Variants in C10orf105 observed in about 807,000 individuals in gnomAD.
C10orf105 encodes chromosome 10 open reading frame 105, also known as uncharacterized protein C10orf105.
Under a neutral mutation model 0.6 loss-of-function variants are expected in C10orf105, and 2 were observed. The ratio of observed to expected loss-of-function variants is 3.18; its 90% CI spans 1.30 to 10.01. The LOEUF (loss-of-function observed/expected upper bound fraction) is 10.01. C10orf105 is among the 30% of genes most tolerant of loss of function. C10orf105 has a pLI of 0.04. For missense variants in C10orf105, 209 were observed against 191.4 expected, an observed-to-expected ratio of 1.09 and a Z score of -0.54; for synonymous variants, 95 against 82.4, an observed-to-expected ratio of 1.15 and a Z score of -0.83.
In C10orf105 at chr10:71,714,908, T is replaced by C. The variant is rs1047100202; in HGVS notation, c.*1028A>G. 1.3e-5 allele frequency: 2 copies of C among 152,164 alleles called. No homozygotes were observed. The highest frequency in any genetic ancestry group is 4.8e-5 in the African/African-American group (2 of 41,434). The allele number at this position is 152,164 out of a possible 1,614,324, so 9.4% of individuals were successfully genotyped here. A position where few individuals can be genotyped will look rare whatever the true frequency, so the allele number is the denominator to read the frequency against. ...GGGACCTGACCAAAGTGTTTAACCC[T>C]CGCGTTGTGAGGAGAGGTCAAGGGT... On this transcript the variant is annotated 3_prime_UTR_variant, in exon 2 of 2. Coordinates refer to ENST00000441508, the MANE Select transcript of C10orf105 (RefSeq NM_001164375.3).
upstream of C10orf105, among the ~76,000 whole-genome samples, chr10:71,722,277 CA>C (rs911333270): frequency 2.0e-5 from 3 of 151,896 alleles, no homozygotes; most frequent in African/African-American, 7.2e-5. Context: ...CCTGTCTCTA[CA>C]AAAAAAATAA....
At chr10:71,725,340 C>T (rs370546388) in intron 1 of C10orf105, 41 of 1,613,888 alleles carry the variant, frequency 2.5e-5, no homozygotes, top group South Asian at 8.8e-5. Context: ...TGGGCAGGGC[C>T]GGTGTTCCAG....
chr10:71,727,806 C>T (rs1866884112), intron 1 of C10orf105, among the ~76,000 whole-genome samples: 2 of 152,216 alleles, frequency 1.3e-5, no homozygotes, highest in South Asian at 4.1e-4. Context: ...GGACAGAAAG[C>T]AGGTCTGGTT....
At position 71,730,926 on chromosome 10, in the gene C10orf105, G is replaced by A. The variant is rs1187082770; in HGVS notation, c.-6+6802C>T. Among the ~76,000 whole-genome samples the A allele has an allele frequency of 3.3e-5, 5 of 152,234 alleles. No individual in the cohort carries two copies. The East Asian group carries it at 9.6e-4, about 29-fold the overall frequency. On this transcript the variant is annotated intron_variant, in intron 1 of 1. Coordinates refer to the C10orf105 transcript ENST00000398786. ...GAGGGGCTGGGCAGAGCTGGGAGGG[G>A]TAAAGAGGACCGGTCAGAAAGCTGG...
At chr10:71,728,922 C>G (rs1482975188) in intron 1 of C10orf105, among the ~76,000 whole-genome samples, 1 of 152,174 alleles carries the variant, frequency 6.6e-6, no homozygotes, top group African/African-American at 2.4e-5. Flanking sequence ...TCTCAAACTC[C>G]TGGGCTCAAG....
At chr10:71,726,505 A>G (rs758151631) in intron 1 of C10orf105, among the ~76,000 whole-genome samples, 9 of 152,142 alleles carry the variant, frequency 5.9e-5, no homozygotes, top group Non-Finnish European at 1.0e-4. Flanking sequence ...GCTTTGCCCC[A>G]AGAAGAGCTG....
At chr10:71,727,464 C>T (rs1049072921) in intron 1 of C10orf105, among the ~76,000 whole-genome samples, 1 of 152,238 alleles carries the variant, frequency 6.6e-6, no homozygotes, top group African/African-American at 2.4e-5. Context: ...AGCTGGGGGC[C>T]TTCCTGAAGG....
In C10orf105 at chr10:71,734,236, G is replaced by A. The variant is rs376447805; in HGVS notation, c.-6+3492C>T. 4.4e-6 allele frequency: 7 copies of A among 1,605,580 alleles called. No individual in the cohort carries two copies. The highest frequency in any genetic ancestry group is 6.0e-6 in the Non-Finnish European group (7 of 1,176,208). On this transcript the variant is annotated intron_variant, in intron 1 of 1. Transcript: ENST00000398786. ...CACTCACCCATCTGGCCCCTTCCCT[G>A]CAGGGTGTGATCACAGTCCAGGGCC...
intron 1 of C10orf105, among the ~76,000 whole-genome samples, chr10:71,730,028 G>A (rs1470418798): frequency 2.0e-5 from 3 of 152,012 alleles, no homozygotes; most frequent in Admixed American, 6.5e-5. Context: ...TAGAGATGGG[G>A]TTTCACCGTG....
At chr10:71,727,689 A>G (rs1208910173) in intron 1 of C10orf105, among the ~76,000 whole-genome samples, 1 of 152,124 alleles carries the variant, frequency 6.6e-6, no homozygotes. Context: ...ACATATGCCC[A>G]CGCACACCTC....
At position 71,733,129 on chromosome 10, in the gene C10orf105, C is replaced by A. The variant is rs143444258; in HGVS notation, c.-6+4599G>T. On this transcript the variant is annotated intron_variant, in intron 1 of 1. Transcript: ENST00000398786. ...CACAAGTTCGATGAATTTGCTAGAG[C>A]AGCTTGCAGAACTCAGGGAAACACT... is the stretch of plus-strand genomic sequence containing the variant. 5.9e-4 allele frequency among the ~76,000 whole-genome samples: 90 copies of A among 152,350 alleles called. 1 individual carries two copies. The East Asian group carries it at 0.014, about 23-fold the overall frequency.
upstream of C10orf105, among the ~76,000 whole-genome samples, chr10:71,721,202 T>C (rs1866539893): frequency 6.6e-6 from 1 of 152,176 alleles, no homozygotes; most frequent in Admixed American, 6.5e-5. Context: ...CTCTTCACCA[T>C]CCTGAGCCCT....
chr10:71,736,618 A>G (rs1839573068), intron 1 of C10orf105, among the ~76,000 whole-genome samples: 1 of 152,094 alleles, frequency 6.6e-6, no homozygotes, highest in South Asian at 2.1e-4. Flanking sequence ...TTCCTCACCC[A>G]CTGAGGCCAA....
chr10:71,722,866 G>C (rs533769914), upstream of C10orf105, among the ~76,000 whole-genome samples: 3 of 152,346 alleles, frequency 2.0e-5, no homozygotes, highest in East Asian at 3.9e-4. Context: ...CAGTTAAGAG[G>C]AGAGAGTGGT....
At position 71,713,297 on chromosome 10, in the gene C10orf105, G is replaced by A; in HGVS notation, c.*2639C>T. ...AGGCGCAACAGCTCCAAGGCTCAGA[G>A]GGAGAGAAGGGAGGACCCTGAAAAC... On this transcript the variant is annotated 3_prime_UTR_variant, in exon 2 of 2. Coordinates refer to ENST00000441508, the MANE Select transcript of C10orf105 (RefSeq NM_001164375.3). 2 of 779,176 alleles carry A rather than the reference G, an allele frequency of 2.6e-6. No homozygotes were observed. The highest frequency in any genetic ancestry group is 4.8e-6 in the Non-Finnish European group (2 of 417,828). The allele number at this position is 779,176 out of a possible 1,614,324, so 48.3% of individuals were successfully genotyped here.
chr10:71,731,730 C>T (rs910197961), intron 1 of C10orf105, among the ~76,000 whole-genome samples: 2 of 152,118 alleles, frequency 1.3e-5, no homozygotes, highest in Non-Finnish European at 2.9e-5. Flanking sequence ...CAGGAGCAGA[C>T]CCAACTCTTT....
chr10:71,724,027 T>C (rs1214440276), upstream of C10orf105: 2 of 1,554,536 alleles, frequency 1.3e-6, no homozygotes, highest in Non-Finnish European at 1.7e-6. Context: ...AAGTAACTCG[T>C]GTCTCATTCT....
At chr10:71,718,757 G>A (rs10999972) in intron 1 of C10orf105, among the ~76,000 whole-genome samples, 17,518 of 152,170 alleles carry the variant, frequency 0.12, 1,865 homozygotes, top group East Asian at 0.28. Context: ...CAGGCCTTGG[G>A]ACCTGCTTTA....
At chr10:71,734,450 G>C in intron 1 of C10orf105, 1 of 1,483,974 alleles carries the variant, frequency 6.7e-7, no homozygotes, top group East Asian at 2.4e-5. Flanking sequence ...GGCAGCGGGC[G>C]AGGGTCTTGA....
Sources: allele counts gnomAD v4.1 joint callset (sites outside exome capture counted in the v4.1 genomes callset), GRCh38; gene constraint gnomAD v4.1.1; transcripts MANE v1.5; gene names NCBI Gene and HGNC (gene_info 2026-07-23, HGNC 2026-07-21).